Variants in VCAN observed in about 807,000 individuals in gnomAD.
VCAN encodes versican core protein.
A neutral mutation model predicts 245.5 loss-of-function variants in VCAN; 44 were observed. That is an observed-to-expected ratio of 0.18 (90% CI 0.14 to 0.23). The LOEUF is 0.23. Ranked by LOEUF, VCAN falls within the 10% of genes least tolerant of loss-of-function variation. The pLI is 1.00. For missense variants in VCAN, 3,793 were observed against 4,057.9 expected, an observed-to-expected ratio of 0.93 and a Z score of 1.77; for synonymous variants, 1,413 against 1,437.0, an observed-to-expected ratio of 0.98 and a Z score of 0.38.
Position 83,541,675 on chromosome 5 carries a change from C to G in VCAN, c.8672C>G (p.Ser2891Cys). Residue 2891 changes from serine (S) to cysteine (C), a missense_variant, in exon 8 of 15, where the codon TCT becomes TGT. Physicochemically the swap from Ser to Cys is moderately radical, Grantham distance 112. This residue lies in a region of VCAN where 3,182 missense variants were observed against 3,250.3 expected (regional missense o/e 0.98). Coordinates refer to ENST00000265077, the MANE Select transcript of VCAN (RefSeq NM_004385.5). ...TACCTTCACATAACTGAGCCTCCCT[C>G]TTTATCTCCTGACACAAAATTAGAA... The part of the protein sequence containing the change: ...EEYLHITEPP[S>C]LSPDTKLEPS... The G allele has an allele frequency of 1.9e-6, 3 of 1,613,886 alleles. No homozygotes were observed. The highest frequency in any genetic ancestry group is 2.5e-6 in the Non-Finnish European group (3 of 1,180,004).
chr5:83,479,535 C>A (rs536282311), intron 1 of VCAN, among the ~76,000 whole-genome samples: 21 of 152,102 alleles, frequency 1.4e-4, no homozygotes, highest in South Asian at 1.0e-3. Flanking sequence ...TAAATATAGG[C>A]ATTCACTCTC....
intron 1 of VCAN, among the ~76,000 whole-genome samples, chr5:83,482,304 CTA>C (rs1744640347): frequency 6.6e-6 from 1 of 152,224 alleles, no homozygotes; most frequent in Admixed American, 6.5e-5. Context: ...CAGGATGAAT[CTA>C]TCTTTCCCAG....
At chr5:83,479,567 GCAGA>G (rs2112336373) in intron 1 of VCAN, among the ~76,000 whole-genome samples, 1 of 152,230 alleles carries the variant, frequency 6.6e-6, no homozygotes, top group East Asian at 1.9e-4. Context: ...GTCTTTCCAT[GCAGA>G]CAGAGTTGTT....
In VCAN at chr5:83,540,848, C is replaced by T. The variant is rs779275108; in HGVS notation, c.7845C>T (p.Asp2615=). ...PHDSNDESND[D]STQVQEIYEA... ...ACAGTAATGATGAAAGTAATGATGACAGCACTCAAGTTCAAGAGATCTATG... is the reference window on the plus strand; with the variant it reads ...ACAGTAATGATGAAAGTAATGATGATAGCACTCAAGTTCAAGAGATCTATG... The change falls in exon 8 of 15, where the codon GAC becomes GAT. Residue 2615 remains aspartate (D), a synonymous_variant. Transcript: ENST00000265077. 1 of 1,613,844 alleles carries T rather than the reference C, an allele frequency of 6.2e-7. No individual in the cohort carries two copies.
At position 83,519,701 on chromosome 5, in the gene VCAN, C is replaced by A. The variant is rs772684866; in HGVS notation, c.1395C>A (p.Gly465=). The change falls in exon 7 of 15, where the codon GGC becomes GGA. Residue 465 remains glycine, a synonymous_variant. Transcript: ENST00000265077. The stretch of plus-strand genomic sequence containing the variant: ...AAGAAGTGCTCCAGAGTACAACTGG[C>A]GTCTCTCATTATGCTACGGATTCAT... The part of the protein sequence containing the change: ...IKEEVLQSTT[G]VSHYATDSWD... 6.2e-7 allele frequency: 1 copy of A among 1,614,094 alleles called. No homozygotes were observed. Among genetic ancestry groups the A allele is most frequent in the Non-Finnish European group, 8.5e-7 (1 of 1,179,986 alleles).
At chr5:83,483,609 T>C in intron 2 of VCAN, 21 bp downstream of exon 2, 1 of 1,607,628 alleles carries the variant, frequency 6.2e-7, no homozygotes, top group Non-Finnish European at 8.5e-7. Flanking sequence ...TAACAATTTC[T>C]TTGGTGTTAA....
At chr5:83,536,900 G>A in intron 7 of VCAN, 107 bp from the exon 8 acceptor site, 2 of 912,046 alleles carry the variant, frequency 2.2e-6, no homozygotes, top group South Asian at 3.8e-5. Flanking sequence ...GAAAAGATTT[G>A]AATCCTTCTT....
At chr5:83,514,326 G>T (rs1484412304) in intron 6 of VCAN, among the ~76,000 whole-genome samples, 1 of 151,964 alleles carries the variant, frequency 6.6e-6, no homozygotes, top group Non-Finnish European at 1.5e-5. Context: ...TGCGTAGAAG[G>T]TTAAAAGCAT....
chr5:83,542,360 T>A, intron 8 of VCAN, 92 bp downstream of exon 8: 1 of 1,327,426 alleles, frequency 7.5e-7, no homozygotes, highest in Non-Finnish European at 1.1e-6. Flanking sequence ...ATTGTGATGT[T>A]AAATCAATGG....
At chr5:83,575,934 G>C (rs931887291) in intron 13 of VCAN, among the ~76,000 whole-genome samples, 3 of 152,060 alleles carry the variant, frequency 2.0e-5, no homozygotes, top group African/African-American at 7.2e-5. Flanking sequence ...TATTTGTGCA[G>C]TCAATTCTTT....
At chr5:83,513,045 T>A (rs1251812920) in intron 6 of VCAN, 1 of 151,984 alleles carries the variant, frequency 6.6e-6, no homozygotes, top group Non-Finnish European at 1.5e-5. Context: ...TAATTAACAT[T>A]TTTTTTTAAA....
chr5:83,485,828 A>G (rs1744774097), intron 2 of VCAN, among the ~76,000 whole-genome samples: 2 of 152,148 alleles, frequency 1.3e-5, no homozygotes, highest in African/African-American at 4.8e-5. Flanking sequence ...GGGTGGGTGC[A>G]GTGGATCATG....
chr5:83,556,536 G>A (rs183969495), intron 12 of VCAN, among the ~76,000 whole-genome samples: 52 of 152,252 alleles, frequency 3.4e-4, no homozygotes, highest in African/African-American at 1.2e-3. Flanking sequence ...CTTAAAATAT[G>A]TTCCCAGTAA....
intron 10 of VCAN, among the ~76,000 whole-genome samples, chr5:83,550,887 C>CA (rs57081110): frequency 0.23 from 11,625 of 49,786 alleles, 2,179 homozygotes; most frequent in Admixed American, 0.28. Context: ...GACTCCATCT[C>CA]AAAAAAAAAA....
intron 12 of VCAN, among the ~76,000 whole-genome samples, chr5:83,564,423 G>A (rs1235705832): frequency 2.6e-5 from 4 of 152,108 alleles, no homozygotes; most frequent in Admixed American, 6.6e-5. Flanking sequence ...GTTTTGAATA[G>A]TTTCTTAATT....
chr5:83,553,225 C>A, intron 10 of VCAN, 139 bp from the exon 11 acceptor site: 1 of 1,138,378 alleles, frequency 8.8e-7, no homozygotes, highest in South Asian at 1.3e-5. Flanking sequence ...TCTTTGTCAT[C>A]GTGACCAAAT....
chr5:83,502,221 T>C (rs932532675), intron 5 of VCAN, among the ~76,000 whole-genome samples: 5 of 152,186 alleles, frequency 3.3e-5, no homozygotes, highest in African/African-American at 1.2e-4. Flanking sequence ...CTCTCTTTCA[T>C]TTTATAATCT....
Position 83,541,669 on chromosome 5 carries a change from C to T in VCAN, c.8666C>T (p.Pro2889Leu). 1 of 1,613,876 alleles carries T rather than the reference C, an allele frequency of 6.2e-7. No individual in the cohort carries two copies. Among genetic ancestry groups the T allele is most frequent in the Non-Finnish European group, 8.5e-7 (1 of 1,179,996 alleles). The change falls in exon 8 of 15, where the codon CCT becomes CTT. Residue 2889 changes from proline to leucine, a missense_variant. Physicochemically the swap from Pro to Leu is moderately conservative, Grantham distance 98. Coordinates refer to ENST00000265077, the MANE Select transcript of VCAN (RefSeq NM_004385.5). Reference protein sequence around the residue: ...SSEEYLHITEPPSLSPDTKLE... With the variant: ...SSEEYLHITELPSLSPDTKLE... ...GAGGAATACCTTCACATAACTGAGC[C>T]TCCCTCTTTATCTCCTGACACAAAA...
Position 83,579,671 on chromosome 5 carries a change from A to G in VCAN, c.9881-309A>G, listed in dbSNP as rs191012706. ...ACTTAGGGACGGTGATGAAGACAGT[A>G]TGCTTTTTAATTTGGAAATTTTGTC... On this transcript the variant is annotated intron_variant, in intron 13 of 14. Transcript: ENST00000265077. Among the ~76,000 whole-genome samples the G allele has an allele frequency of 2.2e-4, 34 of 152,296 alleles. No individual in the cohort carries two copies. In the East Asian group the frequency reaches 6.2e-3, roughly 28 times the overall value.
Sources: gnomAD v4.1 joint callset for allele counts (sites outside exome capture counted in the v4.1 genomes callset) on GRCh38, gnomAD v4.1.1 for gene constraint, gnomAD v4.1.1 regional missense constraint, MANE v1.5 for transcripts, NCBI Gene and HGNC (gene_info 2026-07-23, HGNC 2026-07-21) for gene names.